Variants in FKBP6 observed in about 807,000 individuals in gnomAD.
The protein encoded by FKBP6 is FKBP prolyl isomerase family member 6 (inactive).
Under a neutral mutation model 41.7 loss-of-function variants are expected in FKBP6, and 29 were observed. The observed-to-expected ratio is 0.70, with a 90% CI of 0.52 to 0.95. The LOEUF (loss-of-function observed/expected upper bound fraction) is 0.95, where lower values mean the gene tolerates loss of function less well. Ranked by LOEUF, FKBP6 falls within the 40% of genes least tolerant of loss-of-function variation. The pLI, the probability that FKBP6 is intolerant of heterozygous loss-of-function variation, is 0.00. For synonymous variants in FKBP6, 130 were observed against 165.1 expected (o/e 0.79, Z 1.63); for missense variants, 338 against 408.7 (o/e 0.83, Z 1.49).
intron 4 of FKBP6, 86 bp downstream of exon 4, chr7:73,330,438 G>C: frequency 9.6e-7 from 1 of 1,045,312 alleles, no homozygotes; most frequent in Non-Finnish European, 1.5e-6. Flanking sequence ...GGCCTGCCCT[G>C]AGGCTGATCG....
intron 8 of FKBP6, among the ~76,000 whole-genome samples, chr7:73,349,712 C>CAAAA (rs1213747722): frequency 1.4e-4 from 4 of 27,844 alleles, no homozygotes; most frequent in Non-Finnish European, 2.4e-4. Context: ...GACTCCGTCT[C>CAAAA]AAAAAAAAAA....
At chr7:73,338,639 TA>T (rs1805080839) in intron 5 of FKBP6, among the ~76,000 whole-genome samples, 1 of 152,214 alleles carries the variant, frequency 6.6e-6, no homozygotes, top group Non-Finnish European at 1.5e-5. Flanking sequence ...CACCAACACT[TA>T]TTTTATATTT....
In FKBP6 at chr7:73,329,435, T is replaced by G; in HGVS notation, c.251T>G (p.Met84Arg). 2 of 1,600,262 alleles carry G rather than the reference T, an allele frequency of 1.2e-6. No homozygotes were observed. Among genetic ancestry groups the G allele is most frequent in the Non-Finnish European group, 1.7e-6 (2 of 1,167,412 alleles). ...TACTTTAGGAAAACTCCTCGGCTAA[T>G]GAAACTTGGAGAGGGTAGGTTCAGA... ...SNYFRKTPRL[M>R]KLGEDITLWG... The change falls in exon 3 of 9, where the codon ATG becomes AGG. Residue 84 changes from methionine (M) to arginine (R), a missense_variant. Met to Arg is a moderately conservative substitution (Grantham distance 91). This residue lies in a region of FKBP6 where 99 missense variants were observed against 158.6 expected (regional missense o/e 0.62). Transcript: ENST00000252037.
At chr7:73,351,013 G>A (rs1042485567) in intron 8 of FKBP6, among the ~76,000 whole-genome samples, 6 of 152,106 alleles carry the variant, frequency 3.9e-5, no homozygotes, top group South Asian at 2.1e-4. Context: ...AAGTTACTTC[G>A]TGCATCCAGT....
rs1804756935 is a variant in FKBP6 at position 73,329,386 on chromosome 7, A to G, written c.202A>G (p.Met68Val). 1 of 1,609,764 alleles carries G rather than the reference A, an allele frequency of 6.2e-7. No individual in the cohort carries two copies. Among genetic ancestry groups the G allele is most frequent in the Admixed American group, 1.7e-5 (1 of 60,002 alleles). Residue 68 changes from methionine to valine, a missense_variant, in exon 3 of 9, where the codon ATG becomes GTG. By Grantham distance (21) the Met-to-Val change is conservative. Coordinates refer to ENST00000252037, the MANE Select transcript of FKBP6 (RefSeq NM_003602.5). ...LVKYSGYLEH[M>V]DRPFDSNYFR... The stretch of plus-strand genomic sequence containing the variant: ...GAAATACTCGGGATACCTGGAACAC[A>G]TGGACAGACCCTTCGATTCTAATTA...
chr7:73,357,570 C>G (rs1805669281), intron 8 of FKBP6, among the ~76,000 whole-genome samples: 1 of 152,006 alleles, frequency 6.6e-6, no homozygotes, highest in Admixed American at 6.6e-5. Flanking sequence ...CCACCTCAGT[C>G]TTTACTTACT....
At chr7:73,347,978 C>T (rs1805380331) in intron 8 of FKBP6, among the ~76,000 whole-genome samples, 1 of 152,196 alleles carries the variant, frequency 6.6e-6, no homozygotes, top group African/African-American at 2.4e-5. Context: ...TAAAATTACA[C>T]AGTAGCATGT....
intron 8 of FKBP6, among the ~76,000 whole-genome samples, chr7:73,355,612 T>G (rs1437224448): frequency 6.6e-6 from 1 of 151,704 alleles, no homozygotes; most frequent in Non-Finnish European, 1.5e-5. Flanking sequence ...ATTAAACTTG[T>G]CATTATGGAC....
intron 7 of FKBP6, among the ~76,000 whole-genome samples, chr7:73,341,992 G>A (rs1287174070): frequency 6.6e-6 from 1 of 151,746 alleles, no homozygotes; most frequent in East Asian, 1.9e-4. Flanking sequence ...AGAGTCTTCT[G>A]GTGCGCTCTT....
chr7:73,336,093 C>T (rs1804998295), intron 5 of FKBP6, among the ~76,000 whole-genome samples: 1 of 152,120 alleles, frequency 6.6e-6, no homozygotes, highest in Non-Finnish European at 1.5e-5. Context: ...TAACCAATAC[C>T]TATGGTCTGA....
intron 1 of FKBP6, 31 bp downstream of exon 1, chr7:73,328,516 C>T: frequency 6.4e-7 from 1 of 1,556,218 alleles, no homozygotes; most frequent in South Asian, 1.1e-5. Flanking sequence ...GGGGCGTAGA[C>T]GCTGAGGGGT....
At position 73,341,319 on chromosome 7, in the gene FKBP6, T is replaced by C. The variant is rs782073560; in HGVS notation, c.830T>C (p.Val277Ala). 6.2e-7 allele frequency: 1 copy of C among 1,613,932 alleles called. No individual in the cohort carries two copies. Among genetic ancestry groups the C allele is most frequent in the Non-Finnish European group, 8.5e-7 (1 of 1,179,816 alleles). Residue 277 changes from valine (V) to alanine (A), a missense_variant, in exon 7 of 9, where the codon GTT (valine) becomes GCT (alanine). Physicochemically the swap from Val to Ala is moderately conservative, Grantham distance 64. Transcript: ENST00000252037. ...TEYQKARDFLVRAQKEQPFNH... is the reference protein window; with the variant it reads ...TEYQKARDFLARAQKEQPFNH... ...TATCAAAAGGCCCGGGATTTTCTAG[T>C]TCGAGCCCAGAAGGAGCAACCCTTC...
intron 8 of FKBP6, among the ~76,000 whole-genome samples, chr7:73,349,712 CAAAAAA>C (rs1213747722): frequency 2.2e-4 from 6 of 27,858 alleles, no homozygotes; most frequent in African/African-American, 7.7e-4. Flanking sequence ...GACTCCGTCT[CAAAAAA>C]AAAAAAAAAA....
intron 5 of FKBP6, among the ~76,000 whole-genome samples, chr7:73,334,197 G>T (rs1322975790): frequency 6.6e-6 from 1 of 152,138 alleles, no homozygotes; most frequent in Non-Finnish European, 1.5e-5. Context: ...GACGAAGATC[G>T]TTTTTCCCCG....
In FKBP6 at chr7:73,331,728, C is replaced by T. The variant is rs369087706; in HGVS notation, c.540C>T (p.Tyr180=). 1.2e-4 allele frequency: 195 copies of T among 1,613,752 alleles called. No homozygotes were observed. Among genetic ancestry groups the T allele is most frequent in the Admixed American group, 7.7e-4 (46 of 59,994 alleles). ...VAATEREFGN[Y]LFRQNRFYDA... is the part of the protein sequence containing the mutation. The stretch of plus-strand genomic sequence containing the variant: ...CTACGGAACGGGAGTTTGGCAACTA[C>T]CTTTTCCGCCAGAATCGTTTCTATG... The change falls in exon 5 of 9, where the codon TAC becomes TAT. Residue 180 remains tyrosine (Y), a synonymous_variant. Coordinates refer to ENST00000252037, the MANE Select transcript of FKBP6 (RefSeq NM_003602.5).
intron 8 of FKBP6, among the ~76,000 whole-genome samples, chr7:73,346,503 G>C (rs1242373795): frequency 6.6e-6 from 1 of 152,218 alleles, no homozygotes; most frequent in Admixed American, 6.5e-5. Context: ...GGGGCCCCAG[G>C]AGGGAGTTGT....
chr7:73,339,089 T>A (rs1265711303), intron 5 of FKBP6: 4 of 152,226 alleles, frequency 2.6e-5, no homozygotes, highest in African/African-American at 9.6e-5. Flanking sequence ...GATAGTTTTT[T>A]AAAAAAATAT....
intron 5 of FKBP6, among the ~76,000 whole-genome samples, chr7:73,339,932 C>T (rs1157884480): frequency 6.6e-6 from 1 of 152,130 alleles, no homozygotes; most frequent in African/African-American, 2.4e-5. Flanking sequence ...ATTATCTAAT[C>T]AACTTGTCTG....
chr7:73,352,639 C>A (rs1583825106), intron 8 of FKBP6, among the ~76,000 whole-genome samples: 1 of 152,282 alleles, frequency 6.6e-6, no homozygotes, highest in Non-Finnish European at 1.5e-5. Flanking sequence ...GCCACCGACC[C>A]AGGGTGAAGC....
Sources: gnomAD v4.1 joint callset for allele counts (sites outside exome capture counted in the v4.1 genomes callset) on GRCh38, gnomAD v4.1.1 for gene constraint, gnomAD v4.1.1 regional missense constraint, MANE v1.5 for transcripts, NCBI Gene and HGNC (gene_info 2026-07-23, HGNC 2026-07-21) for gene names.